Variants in ZNF75D observed in about 807,000 individuals in gnomAD.
ZNF75D encodes zinc finger protein 75.
Under a neutral mutation model 33.3 loss-of-function variants are expected in ZNF75D, and 33 were observed. The observed-to-expected ratio is 0.99, with a 90% CI of 0.75 to 1.32. ZNF75D has a LOEUF of 1.32. Ranked by LOEUF, ZNF75D falls within the 40% of genes most tolerant of loss-of-function variation. The pLI, the probability that ZNF75D is intolerant of heterozygous loss-of-function variation, is 0.00. For synonymous variants in ZNF75D, 113 were observed against 130.6 expected (o/e 0.87, Z 0.92); for missense variants, 338 against 367.5 (o/e 0.92, Z 0.66).
chrX:135,310,998 G>A (rs1356248495), intron 1 of ZNF75D, among the ~76,000 whole-genome samples: 1 of 111,733 alleles, frequency 8.9e-6, no homozygotes, highest in Non-Finnish European at 1.9e-5. Flanking sequence ...CTATTTTGCT[G>A]CAGTTCAGGA....
intron 1 of ZNF75D, among the ~76,000 whole-genome samples, chrX:135,274,900 A>AG (rs1352912496): frequency 2.7e-5 from 3 of 111,923 alleles, no homozygotes; most frequent in Non-Finnish European, 5.6e-5. Context: ...CTTGCTTTTT[A>AG]GGGTTTCACT....
At chrX:135,339,534 G>C (rs1569496173) in intron 1 of ZNF75D, among the ~76,000 whole-genome samples, 2 of 112,225 alleles carry the variant, frequency 1.8e-5, no homozygotes, top group African/African-American at 6.5e-5. Flanking sequence ...GTAGGATGTG[G>C]GGCAGCATGC....
chrX:135,339,915 A>T (rs1556444115), intron 1 of ZNF75D, among the ~76,000 whole-genome samples: 1 of 112,325 alleles, frequency 8.9e-6, no homozygotes, highest in African/African-American at 3.2e-5. Context: ...CATACACAGC[A>T]GTCACTGAAA....
At chrX:135,308,175 C>G (rs782609509) in intron 1 of ZNF75D, among the ~76,000 whole-genome samples, 28 of 112,270 alleles carry the variant, frequency 2.5e-4, no homozygotes, top group Non-Finnish European at 4.1e-4. Context: ...ATCTTGCAGA[C>G]TGTTGGCATT....
chrX:135,316,121 T>C (rs1323668630), intron 1 of ZNF75D, among the ~76,000 whole-genome samples: 1 of 112,076 alleles, frequency 8.9e-6, no homozygotes, highest in Non-Finnish European at 1.9e-5. Flanking sequence ...ATACTTAACA[T>C]TTTGTTTTCA....
At chrX:135,295,566 G>A (rs1028267436) in intron 2 of ZNF75D, among the ~76,000 whole-genome samples, 1 of 111,953 alleles carries the variant, frequency 8.9e-6, no homozygotes, top group South Asian at 3.7e-4. Flanking sequence ...AGGCGGCCTC[G>A]CTGTGGACAA....
chrX:135,304,908 T>C (rs2084265049), intron 1 of ZNF75D, among the ~76,000 whole-genome samples: 2 of 112,837 alleles, frequency 1.8e-5, no homozygotes, highest in African/African-American at 3.2e-5. Context: ...AGGTTGCTTA[T>C]GGCAATTGCC....
chrX:135,322,685 G>C (rs1275761437), intron 1 of ZNF75D, among the ~76,000 whole-genome samples: 3 of 112,079 alleles, frequency 2.7e-5, no homozygotes, highest in Non-Finnish European at 3.8e-5. Flanking sequence ...TGTGCGCAGG[G>C]TCTATGGGGT....
rs57049630 is a variant in ZNF75D, at chrX:135,306,288, TACACACACAC to T, written c.-390-10259_-390-10250del. Among the ~76,000 whole-genome samples, 120 of 83,172 alleles carry T rather than the reference TACACACACAC, an allele frequency of 1.4e-3. 1 individual carries two copies. The highest frequency in any genetic ancestry group is 0.011 in the South Asian group (16 of 1,476). The allele number at this position is 83,172 out of a possible 115,157, so 72.2% of individuals were successfully genotyped here. On this transcript the variant is annotated intron_variant, in intron 1 of 6. Coordinates refer to ENST00000370766, the MANE Select transcript of ZNF75D (RefSeq NM_007131.5). ...AGGAAGACAGGACAACAGAGATACA[TACACACACAC>T]ACACACACACACACACACACACACA... is the stretch of plus-strand genomic sequence containing the variant.
intron 1 of ZNF75D, among the ~76,000 whole-genome samples, chrX:135,272,027 A>G (rs1031694065): frequency 9.0e-6 from 1 of 110,736 alleles, no homozygotes; most frequent in Non-Finnish European, 1.9e-5. Flanking sequence ...TGACATGGGA[A>G]CAAGCTGAAT....
chrX:135,282,812 C>A (rs1425090042), downstream of ZNF75D, among the ~76,000 whole-genome samples: 3 of 112,136 alleles, frequency 2.7e-5, no homozygotes, highest in East Asian at 8.4e-4. Context: ...CCTCCATGAG[C>A]TGCACCCACT....
At chrX:135,269,600 A>C (rs1282971618) in intron 1 of ZNF75D, among the ~76,000 whole-genome samples, 2 of 111,920 alleles carry the variant, frequency 1.8e-5, no homozygotes, top group Non-Finnish European at 3.8e-5. Flanking sequence ...GCAATAACAA[A>C]TGCTGGTGAA....
At chrX:135,338,822 A>G (rs1414606130) in intron 1 of ZNF75D, among the ~76,000 whole-genome samples, 8 of 110,385 alleles carry the variant, frequency 7.2e-5, no homozygotes, top group African/African-American at 2.3e-4. Flanking sequence ...TATCCTTATG[A>G]AGGCTGCCCT....
intron 1 of ZNF75D, among the ~76,000 whole-genome samples, chrX:135,265,236 A>G (rs2083858789): frequency 9.1e-6 from 1 of 110,238 alleles, no homozygotes; most frequent in African/African-American, 3.3e-5. Flanking sequence ...AAAAAAAAAG[A>G]GTTATTGGCC....
downstream of ZNF75D, among the ~76,000 whole-genome samples, chrX:135,284,650 T>C (rs1248696339): frequency 1.8e-5 from 2 of 112,185 alleles, no homozygotes; most frequent in Non-Finnish European, 3.8e-5. Context: ...TTCCTGCCAC[T>C]TGCCTTAAAT....
intron 6 of ZNF75D, among the ~76,000 whole-genome samples, chrX:135,289,140 C>T (rs1171148601): frequency 1.8e-5 from 2 of 112,594 alleles, no homozygotes; most frequent in Non-Finnish European, 3.7e-5. Context: ...TTTCACCGTG[C>T]TATAGCCGTT....
At chrX:135,280,258 G>T (rs1180660769) in intron 1 of ZNF75D, among the ~76,000 whole-genome samples, 1 of 111,535 alleles carries the variant, frequency 9.0e-6, no homozygotes, top group African/African-American at 3.3e-5. Flanking sequence ...TGTCTTTTTT[G>T]ATCTTTCTTG....
At chrX:135,332,460 C>T (rs1344153440) in intron 1 of ZNF75D, among the ~76,000 whole-genome samples, 1 of 110,919 alleles carries the variant, frequency 9.0e-6, no homozygotes, top group East Asian at 2.8e-4. Context: ...CCCAAAGGAG[C>T]TCATTCATCC....
At chrX:135,309,396 C>A in intron 1 of ZNF75D, 1 of 293,398 alleles carries the variant, frequency 3.4e-6, no homozygotes, top group Non-Finnish European at 6.0e-6. Flanking sequence ...GTCCCCAGAT[C>A]CACTTGATTA....
Sources: allele counts gnomAD v4.1 joint callset (sites outside exome capture counted in the v4.1 genomes callset), GRCh38; gene constraint gnomAD v4.1.1; transcripts MANE v1.5; gene names NCBI Gene and HGNC (gene_info 2026-07-23, HGNC 2026-07-21).